The following MARCHF10 variants were observed in gnomAD, a reference collection of about 807,000 sequenced individuals.
The protein encoded by MARCHF10 is membrane associated ring-CH-type finger 10.
MARCHF10 carries 64 observed loss-of-function variants against 76.2 expected under a neutral mutation model. The ratio of observed to expected loss-of-function variants is 0.84; its 90% CI spans 0.69 to 1.03. MARCHF10 has a LOEUF of 1.03. Among genes scored for constraint, MARCHF10 ranks in the 50% least tolerant of loss-of-function variants. MARCHF10 has a pLI of 0.00. For missense variants in MARCHF10, 875 were observed against 958.0 expected, an observed-to-expected ratio of 0.91 and a Z score of 1.14; for synonymous variants, 340 against 357.5, an observed-to-expected ratio of 0.95 and a Z score of 0.55.
At chr17:62,739,186 C>T (rs932686564) in intron 5 of MARCHF10, among the ~76,000 whole-genome samples, 19 of 152,142 alleles carry the variant, frequency 1.2e-4, no homozygotes, top group African/African-American at 3.9e-4. Flanking sequence ...GTAATCCCAG[C>T]TATTTGGGAG....
At chr17:62,767,385 A>T (rs1025879433) in intron 3 of MARCHF10, among the ~76,000 whole-genome samples, 1 of 151,948 alleles carries the variant, frequency 6.6e-6, no homozygotes, top group African/African-American at 2.4e-5. Context: ...AAGCATAAAG[A>T]TATTTAAAAC....
intron 6 of MARCHF10, among the ~76,000 whole-genome samples, chr17:62,726,712 A>G (rs1015286138): frequency 1.3e-5 from 2 of 152,116 alleles, no homozygotes; most frequent in Admixed American, 1.3e-4. Flanking sequence ...AGCTCTCTGC[A>G]ACCTCTGCCG....
At chr17:62,798,442 TAAA>T (rs76893795) in intron 2 of MARCHF10, among the ~76,000 whole-genome samples, 3 of 86,408 alleles carry the variant, frequency 3.5e-5, no homozygotes. Flanking sequence ...TGGGAAACAT[TAAA>T]AAAAAAAAAA....
intron 10 of MARCHF10, among the ~76,000 whole-genome samples, chr17:62,702,838 G>A (rs1304283604): frequency 2.0e-5 from 3 of 151,944 alleles, no homozygotes; most frequent in Non-Finnish European, 2.9e-5. Context: ...CCATCCCCTC[G>A]TCCATCCTGC....
intron 10 of MARCHF10, among the ~76,000 whole-genome samples, chr17:62,702,835 C>T (rs2089327890): frequency 1.3e-5 from 2 of 152,200 alleles, no homozygotes; most frequent in Admixed American, 1.3e-4. Flanking sequence ...CCCCCATCCC[C>T]TCGTCCATCC....
intron 4 of MARCHF10, among the ~76,000 whole-genome samples, chr17:62,753,458 T>A (rs1182592598): frequency 6.6e-6 from 1 of 152,196 alleles, no homozygotes; most frequent in African/African-American, 2.4e-5. Context: ...CCCTGAGATC[T>A]TCTTCAATGC....
chr17:62,713,932 T>C (rs1405585139), intron 8 of MARCHF10, among the ~76,000 whole-genome samples: 2 of 152,228 alleles, frequency 1.3e-5, no homozygotes, highest in African/African-American at 4.8e-5. Context: ...ATTTTGCTAA[T>C]ATTCATTTAG....
At position 62,736,772 on chromosome 17, in the gene MARCHF10, G is replaced by A. The variant is rs750593134; in HGVS notation, c.1096C>T (p.Arg366Trp). Residue 366 changes from arginine (R) to tryptophan (W), a missense_variant, in exon 6 of 11, where the codon CGG (arginine) becomes TGG (tryptophan). Physicochemically the swap from Arg to Trp is moderately radical, Grantham distance 101 (BLOSUM62 -3). Transcript: ENST00000311269. ...ISNAMEPATE[R>W]PSAGQRLSQD... The stretch of plus-strand genomic sequence containing the variant: ...GACAACCTTTGCCCAGCAGAAGGCC[G>A]CTCTGTTGCTGGCTCCATTGCATTG... 44 of 1,614,046 alleles carry A rather than the reference G, an allele frequency of 2.7e-5. No individual in the cohort carries two copies. In the Admixed American group the frequency reaches 4.0e-4, roughly 15 times the overall value.
chr17:62,767,938 A>G (rs1202287407), intron 3 of MARCHF10, among the ~76,000 whole-genome samples: 1 of 152,146 alleles, frequency 6.6e-6, no homozygotes, highest in African/African-American at 2.4e-5. Context: ...GGGGAGTATG[A>G]GCAGAAGCAA....
chr17:62,739,918 T>C (rs546794141), intron 5 of MARCHF10, among the ~76,000 whole-genome samples: 4 of 152,144 alleles, frequency 2.6e-5, no homozygotes, highest in Admixed American at 6.5e-5. Flanking sequence ...GATGCTGGCC[T>C]GGGGGACAGA....
chr17:62,744,339 C>G (rs781624369), intron 5 of MARCHF10, 37 bp downstream of exon 5: 4 of 1,592,742 alleles, frequency 2.5e-6, no homozygotes, highest in Admixed American at 3.7e-5. Flanking sequence ...CAGTCCTCCT[C>G]TCCAAGGACA....
At chr17:62,795,356 CA>C (rs61564298) in intron 2 of MARCHF10, among the ~76,000 whole-genome samples, 20,714 of 52,118 alleles carry the variant, frequency 0.4, 1,765 homozygotes, top group Non-Finnish European at 0.44. Flanking sequence ...ATCATTTGAT[CA>C]AAAAAAAAAA....
At chr17:62,713,855 G>A (rs1244263310) in intron 8 of MARCHF10, among the ~76,000 whole-genome samples, 1 of 152,178 alleles carries the variant, frequency 6.6e-6, no homozygotes, top group African/African-American at 2.4e-5. Context: ...CATTAAAAAG[G>A]AGAAGGCATG....
In MARCHF10 at chr17:62,735,782, CA is replaced by C. The variant is rs1343767282; in HGVS notation, c.1937+148del. The C allele has an allele frequency of 7.6e-6, 5 of 661,820 alleles. No homozygotes were observed. The East Asian group carries it at 8.5e-5, about 11-fold the overall frequency. 41.0% of individuals were successfully genotyped at this position (661,820 alleles called of 1,614,324 possible). On this transcript the variant is annotated intron_variant, in intron 6 of 10. Transcript: ENST00000311269. ...TACGTATATTTTAAGAGCAACAAAA[CA>C]GAGACAATTTTCTCAAAATAAGCAA...
chr17:62,769,381 G>A (rs1351786824), intron 3 of MARCHF10, among the ~76,000 whole-genome samples: 4 of 152,024 alleles, frequency 2.6e-5, no homozygotes, highest in Admixed American at 6.6e-5. Context: ...ATTACATTGG[G>A]GTAGCAAAAT....
In MARCHF10 at chr17:62,793,471, A is replaced by ACCT. The variant is rs1568220490; in HGVS notation, c.91-4873_91-4872insAGG. Among the ~76,000 whole-genome samples the ACCT allele has an allele frequency of 2.0e-3, 240 of 121,392 alleles. 2 individuals are homozygous for ACCT. Among genetic ancestry groups the ACCT allele is most frequent in the African/African-American group, 7.7e-3 (224 of 29,064 alleles). The allele number at this position is 121,392 out of a possible 152,430, so 79.6% of individuals were successfully genotyped here. ...CACCATCACCACCACCATCACCACC[A>ACCT]CCATCACCACCACCTCCATCACCAC... On this transcript the variant is annotated intron_variant, in intron 2 of 10. Transcript: ENST00000311269.
intron 3 of MARCHF10, among the ~76,000 whole-genome samples, chr17:62,782,345 CTTTT>C (rs10676023): frequency 5.6e-5 from 6 of 107,020 alleles, no homozygotes; most frequent in Admixed American, 1.1e-4. Flanking sequence ...AACAACTGTT[CTTTT>C]TTTTTTTTTT....
chr17:62,751,839 G>T (rs1203778277), intron 4 of MARCHF10, among the ~76,000 whole-genome samples: 2 of 152,042 alleles, frequency 1.3e-5, no homozygotes, highest in Non-Finnish European at 2.9e-5. Context: ...TGGCCAACAG[G>T]GAGAAACCCC....
intron 3 of MARCHF10, among the ~76,000 whole-genome samples, chr17:62,765,740 T>G (rs1053403451): frequency 6.6e-6 from 1 of 152,176 alleles, no homozygotes; most frequent in Non-Finnish European, 1.5e-5. Context: ...CTTTGTGTGC[T>G]GCAGAAATCA....
Sources: allele counts gnomAD v4.1 joint callset (sites outside exome capture counted in the v4.1 genomes callset), GRCh38; gene constraint gnomAD v4.1.1; transcripts MANE v1.5; gene names NCBI Gene and HGNC (gene_info 2026-07-23, HGNC 2026-07-21).